KIF13A: variants seen among roughly 807,000 people sequenced by gnomAD.
KIF13A encodes kinesin-like protein KIF13A.
Under a neutral mutation model 212.2 loss-of-function variants are expected in KIF13A, and 79 were observed. That is an observed-to-expected ratio of 0.37 (90% CI 0.31 to 0.45). The LOEUF is 0.45. Among genes scored for constraint, KIF13A ranks in the 20% least tolerant of loss-of-function variants. KIF13A has a pLI of 1.00. For missense variants in KIF13A, 1,901 were observed against 2,209.0 expected, an observed-to-expected ratio of 0.86 and a Z score of 2.79; for synonymous variants, 789 against 808.6, an observed-to-expected ratio of 0.98 and a Z score of 0.41.
At position 17,933,381 on chromosome 6, in the gene KIF13A, G is replaced by T. The variant is rs115954361; in HGVS notation, c.147-35201C>A. On this transcript the variant is annotated intron_variant, in intron 2 of 38. Coordinates refer to ENST00000259711, the MANE Select transcript of KIF13A (RefSeq NM_022113.6). Reference sequence around the variant, plus strand: ...CCTGCCTCAGCCTCCCAAGTAGCTGGCACGCACCACCACACCCAGCTCATT... The same window carrying T: ...CCTGCCTCAGCCTCCCAAGTAGCTGTCACGCACCACCACACCCAGCTCATT... Among the ~76,000 whole-genome samples, 840 of 149,688 alleles carry T rather than the reference G, an allele frequency of 5.6e-3. 12 individuals carry two copies. The highest frequency in any genetic ancestry group is 0.019 in the African/African-American group (778 of 40,946).
chr6:17,887,659 G>A (rs973405572), intron 3 of KIF13A, among the ~76,000 whole-genome samples: 8 of 152,040 alleles, frequency 5.3e-5, no homozygotes, highest in Non-Finnish European at 1.2e-4. Flanking sequence ...TTCCTAATAC[G>A]TCAATTACTT....
rs141490832 is a variant in KIF13A, at chr6:17,975,593, C to T, written c.146+11461G>A. On this transcript the variant is annotated intron_variant, in intron 2 of 38. Coordinates refer to ENST00000259711, the MANE Select transcript of KIF13A (RefSeq NM_022113.6). ...GAACAAAACGCGAACAAGTTACTGC[C>T]GCTAGTTCGGGCAGCCTGCTTTTAT... Among the ~76,000 whole-genome samples the T allele has an allele frequency of 9.9e-5, 15 of 152,262 alleles. No individual in the cohort carries two copies. The East Asian group carries it at 2.5e-3, about 25-fold the overall frequency.
intron 2 of KIF13A, among the ~76,000 whole-genome samples, chr6:17,916,658 C>G (rs185964986): frequency 6.3e-4 from 96 of 152,268 alleles, no homozygotes; most frequent in Non-Finnish European, 1.1e-3. Context: ...TGGAATTCTT[C>G]AGAATAACAC....
At chr6:17,880,852 C>T (rs183048748) in intron 3 of KIF13A, among the ~76,000 whole-genome samples, 28 of 152,064 alleles carry the variant, frequency 1.8e-4, no homozygotes, top group Admixed American at 1.6e-3. Flanking sequence ...ACTCCTGACC[C>T]CAAGCAATTC....
At chr6:17,901,401 A>C (rs1171849719) in intron 2 of KIF13A, among the ~76,000 whole-genome samples, 2 of 152,190 alleles carry the variant, frequency 1.3e-5, no homozygotes, top group African/African-American at 4.8e-5. Flanking sequence ...GCTTTCATAT[A>C]TATAAACTAC....
At chr6:17,807,973 C>A (rs1367993625) in intron 18 of KIF13A, among the ~76,000 whole-genome samples, 4 of 152,208 alleles carry the variant, frequency 2.6e-5, no homozygotes, top group African/African-American at 7.2e-5. Flanking sequence ...TTTCTCCCTA[C>A]AGGAAAAATT....
At position 17,772,627 on chromosome 6, in the gene KIF13A, ACG is replaced by A. The variant is rs1759597378; in HGVS notation, c.4325-570_4325-569del. Among the ~76,000 whole-genome samples the A allele has an allele frequency of 6.6e-6, 1 of 152,244 alleles. No homozygotes were observed. Among genetic ancestry groups the A allele is most frequent in the South Asian group, 2.1e-4 (1 of 4,828 alleles). ...CCACTAACCAGACCAATTTCAGCTC[ACG>A]CTGATTTTCCATTCCTCTGAATTCT... is the stretch of plus-strand genomic sequence containing the variant. On this transcript the variant is annotated intron_variant, in intron 36 of 38. Coordinates refer to ENST00000259711, the MANE Select transcript of KIF13A (RefSeq NM_022113.6). The surrounding 1 kb of genome is among the most constrained non-coding windows in gnomAD (Gnocchi z 4.8).
intron 4 of KIF13A, among the ~76,000 whole-genome samples, chr6:17,858,566 C>T (rs1025264980): frequency 1.3e-5 from 2 of 152,130 alleles, no homozygotes; most frequent in African/African-American, 2.4e-5. Flanking sequence ...CCTTATTCCA[C>T]GTATGTTCCC....
chr6:17,784,520 T>C (rs1318668778), intron 28 of KIF13A, among the ~76,000 whole-genome samples: 1 of 152,222 alleles, frequency 6.6e-6, no homozygotes, highest in Non-Finnish European at 1.5e-5. Context: ...ATGCAAATTC[T>C]TATTTAAAAA....
chr6:17,820,496 A>C (rs1394802708), intron 16 of KIF13A, among the ~76,000 whole-genome samples: 2 of 152,224 alleles, frequency 1.3e-5, no homozygotes, highest in African/African-American at 4.8e-5. Flanking sequence ...ATTTTCAAAC[A>C]GACCATCCAA....
intron 2 of KIF13A, among the ~76,000 whole-genome samples, chr6:17,925,250 C>T (rs1775402416): frequency 6.6e-6 from 1 of 152,142 alleles, no homozygotes; most frequent in African/African-American, 2.4e-5. Context: ...AAGAGATTTG[C>T]TGATGAGTTG....
chr6:17,973,248 C>A (rs1044937462), intron 2 of KIF13A, among the ~76,000 whole-genome samples: 2 of 152,184 alleles, frequency 1.3e-5, no homozygotes, highest in Non-Finnish European at 2.9e-5. Flanking sequence ...CTGGATCCCA[C>A]AAAGAACACA....
At position 17,799,403 on chromosome 6, in the gene KIF13A, G is replaced by C; in HGVS notation, c.2653C>G (p.Leu885Val). 6.3e-7 allele frequency: 1 copy of C among 1,599,132 alleles called. No individual in the cohort carries two copies. The highest frequency in any genetic ancestry group is 8.5e-7 in the Non-Finnish European group (1 of 1,172,204). Residue 885 changes from leucine to valine, a missense_variant, in exon 22 of 39, where the codon CTC (leucine) becomes GTC (valine). By Grantham distance (32) the Leu-to-Val change is conservative. This residue lies in a region of KIF13A where 534 missense variants were observed against 536.9 expected (regional missense o/e 0.99). Coordinates refer to ENST00000259711, the MANE Select transcript of KIF13A (RefSeq NM_022113.6). This position sits in a 1 kb window ranked among gnomAD's most constrained non-coding sequence, Gnocchi z 4.4. ...IKEATGLPLN[L>V]SNFVFCQYTF... The stretch of plus-strand genomic sequence containing the variant: ...TATTGACAGAAGACAAAATTTGAGA[G>C]GTTTAAGGGCAGCCCCGTTGCTTCT...
chr6:17,771,048 G>T lies in KIF13A; in HGVS notation c.4581+66C>A. On this transcript the variant is annotated intron_variant, in intron 38 of 38. Coordinates refer to ENST00000259711, the MANE Select transcript of KIF13A (RefSeq NM_022113.6). This position sits in a 1 kb window ranked among gnomAD's most constrained non-coding sequence, Gnocchi z 5.4. The stretch of plus-strand genomic sequence containing the variant: ...TCTTAATTTCTTCTAGCATTTGGAT[G>T]ATTGTCTGTGAAAGGGCCTTAAACC... 1 of 991,904 alleles carries T rather than the reference G, an allele frequency of 1.0e-6. No homozygotes were observed. Among genetic ancestry groups the T allele is most frequent in the Non-Finnish European group, 1.6e-6 (1 of 638,862 alleles). The allele number at this position is 991,904 out of a possible 1,614,324, so 61.4% of individuals were successfully genotyped here.
chr6:17,979,855 A>G (rs973915408), intron 2 of KIF13A, among the ~76,000 whole-genome samples: 1 of 152,104 alleles, frequency 6.6e-6, no homozygotes, highest in Non-Finnish European at 1.5e-5. Context: ...AGGATTAAAC[A>G]TAAGGCTTGT....
intron 29 of KIF13A, among the ~76,000 whole-genome samples, chr6:17,781,995 G>A (rs1760633805): frequency 6.6e-6 from 1 of 152,040 alleles, no homozygotes; most frequent in East Asian, 1.9e-4. Flanking sequence ...GGAGTGCAGT[G>A]GTGTGATCTT....
intron 25 of KIF13A, among the ~76,000 whole-genome samples, chr6:17,793,373 C>T (rs567615954): frequency 5.3e-5 from 8 of 152,096 alleles, no homozygotes; most frequent in Admixed American, 1.3e-4. Context: ...TGAGCAACCG[C>T]GCCTGGCCAA....
At position 17,915,030 on chromosome 6, in the gene KIF13A, T is replaced by C. The variant is rs1774373906; in HGVS notation, c.147-16850A>G. Among the ~76,000 whole-genome samples the C allele has an allele frequency of 6.6e-6, 1 of 152,236 alleles. No individual in the cohort carries two copies. The highest frequency in any genetic ancestry group is 1.5e-5 in the Non-Finnish European group (1 of 68,038). Reference sequence around the variant, plus strand: ...ACATTTAACTACCTGGTTTTGGTTTTATTTCCAAGATTGGTTTTCCATTTA... The same window carrying C: ...ACATTTAACTACCTGGTTTTGGTTTCATTTCCAAGATTGGTTTTCCATTTA... On this transcript the variant is annotated intron_variant, in intron 2 of 38. Transcript: ENST00000259711. The surrounding 1 kb of genome is among the most constrained non-coding windows in gnomAD (Gnocchi z 4.4).
At chr6:17,976,907 T>C (rs1378218219) in intron 2 of KIF13A, among the ~76,000 whole-genome samples, 1 of 151,564 alleles carries the variant, frequency 6.6e-6, no homozygotes, top group African/African-American at 2.4e-5. Flanking sequence ...CGAGACCATC[T>C]TGGCTAACAT....
Sources: allele counts gnomAD v4.1 joint callset (sites outside exome capture counted in the v4.1 genomes callset), GRCh38; gene constraint gnomAD v4.1.1; regional missense constraint gnomAD v4.1.1; non-coding constraint Gnocchi (gnomAD v3.1); transcripts MANE v1.5; gene names NCBI Gene and HGNC (gene_info 2026-07-23, HGNC 2026-07-21).